The following PRKCH variants were observed in gnomAD, a reference collection of about 807,000 sequenced individuals.
The protein encoded by PRKCH is protein kinase C eta type.
In PRKCH, 28 loss-of-function variants were observed where a neutral mutation model predicts 82.5. That is an observed-to-expected ratio of 0.34 (90% CI 0.25 to 0.47). The LOEUF is 0.47. PRKCH is among the 20% of genes least tolerant of loss of function. PRKCH has a pLI of 1.00. For synonymous variants in PRKCH, 322 were observed against 327.4 expected (o/e 0.98, Z 0.18); for missense variants, 705 against 881.8 (o/e 0.80, Z 2.54).
chr14:61,245,311 T>C (rs1271300340), intron 1 of PRKCH, among the ~76,000 whole-genome samples: 1 of 151,950 alleles, frequency 6.6e-6, no homozygotes, highest in Admixed American at 6.6e-5. Context: ...CGGAAAGAGG[T>C]CTTCTGTGAC....
intron 10 of PRKCH, among the ~76,000 whole-genome samples, chr14:61,517,966 A>G (rs2252267): frequency 0.54 from 82,702 of 152,036 alleles, 27,480 homozygotes; most frequent in Non-Finnish European, 0.73. Flanking sequence ...CTATCAGAAA[A>G]CCTTCATTTC....
At chr14:61,206,255 A>T (rs531434692) in intron 1 of PRKCH, among the ~76,000 whole-genome samples, 46 of 152,342 alleles carry the variant, frequency 3.0e-4, no homozygotes, top group African/African-American at 1.1e-3. Flanking sequence ...TCTGAAATCA[A>T]GGTGTCATCC....
intron 10 of PRKCH, among the ~76,000 whole-genome samples, chr14:61,525,428 A>G: frequency 6.6e-6 from 1 of 152,136 alleles, no homozygotes; most frequent in East Asian, 1.9e-4. Flanking sequence ...AAGGTGTCTA[A>G]CCTGCCTTTG....
intron 1 of PRKCH, among the ~76,000 whole-genome samples, chr14:61,204,148 A>G (rs1347133587): frequency 6.6e-6 from 1 of 152,114 alleles, no homozygotes; most frequent in Admixed American, 6.5e-5. Flanking sequence ...AATTGTCTAA[A>G]TACTGCAGGC....
intron 1 of PRKCH, among the ~76,000 whole-genome samples, chr14:61,201,508 A>T (rs8006364): frequency 0.26 from 38,918 of 152,118 alleles, 5,394 homozygotes; most frequent in Admixed American, 0.39. Flanking sequence ...TAAATAAAGC[A>T]TGTGACTTGA....
At chr14:61,306,790 C>T (rs2045488437) in intron 1 of PRKCH, 1 of 152,170 alleles carries the variant, frequency 6.6e-6, no homozygotes. Flanking sequence ...CACTACTCTT[C>T]ATGATTATAG....
chr14:61,262,219 T>TCAAAAAAAAAAAAAA (rs2045053191), intron 1 of PRKCH, among the ~76,000 whole-genome samples: 1 of 106,614 alleles, frequency 9.4e-6, no homozygotes, highest in Non-Finnish European at 1.8e-5. Context: ...AGACTCTGTA[T>TCAAAAAAAAAAAAAA]AAAAAAAAAA....
chr14:61,296,832 G>A (rs2045410389), intron 1 of PRKCH, among the ~76,000 whole-genome samples: 1 of 152,226 alleles, frequency 6.6e-6, no homozygotes, highest in Non-Finnish European at 1.5e-5. Flanking sequence ...ATTGAAGAGT[G>A]AAAGTAGAAA....
At chr14:61,534,399 A>G (rs906933168) in intron 12 of PRKCH, among the ~76,000 whole-genome samples, 7 of 152,210 alleles carry the variant, frequency 4.6e-5, no homozygotes, top group Non-Finnish European at 7.3e-5. Flanking sequence ...GGGCCAGATC[A>G]AGGTATACTG....
intron 1 of PRKCH, among the ~76,000 whole-genome samples, chr14:61,340,331 T>A (rs2045915918): frequency 8.0e-6 from 1 of 125,250 alleles, no homozygotes; most frequent in Admixed American, 1.0e-4. Flanking sequence ...GTATCTTTCC[T>A]CATCCCTCAA....
At chr14:61,534,736 G>A (rs2250116) in intron 12 of PRKCH, among the ~76,000 whole-genome samples, 79,506 of 150,996 alleles carry the variant, frequency 0.53, 25,399 homozygotes, top group Non-Finnish European at 0.7. Flanking sequence ...GAGATGAAGG[G>A]ACTTTACATG....
chr14:61,319,835 C>T (rs187319134), upstream of PRKCH, among the ~76,000 whole-genome samples: 21 of 152,370 alleles, frequency 1.4e-4, no homozygotes, highest in African/African-American at 4.1e-4. Flanking sequence ...TGATGCGTTG[C>T]ATCCCTGCCT....
intron 2 of PRKCH, among the ~76,000 whole-genome samples, chr14:61,417,654 A>T (rs1023641166): frequency 1.3e-5 from 2 of 152,148 alleles, no homozygotes; most frequent in African/African-American, 2.4e-5. Flanking sequence ...TGCTTGGTGC[A>T]TTGTAGATTT....
At chr14:61,496,612 A>AAGCTAC (rs1886678659) in intron 10 of PRKCH, among the ~76,000 whole-genome samples, 1 of 152,016 alleles carries the variant, frequency 6.6e-6, no homozygotes, top group Non-Finnish European at 1.5e-5. Flanking sequence ...CATCCCGTGA[A>AAGCTAC]ACCCTTCCCT....
intron 1 of PRKCH, among the ~76,000 whole-genome samples, chr14:61,209,933 G>A (rs537211741): frequency 6.6e-6 from 1 of 151,432 alleles, no homozygotes; most frequent in East Asian, 1.9e-4. Context: ...TTAGTTCACT[G>A]CAAATGTTTA....
chr14:61,543,296 A>G (rs1049482832), intron 12 of PRKCH: 1 of 152,158 alleles, frequency 6.6e-6, no homozygotes, highest in African/African-American at 2.4e-5. Context: ...AAAAACTGTT[A>G]AGTGTCTCAT....
At chr14:61,261,902 T>C (rs1276119160) in intron 1 of PRKCH, among the ~76,000 whole-genome samples, 1 of 152,028 alleles carries the variant, frequency 6.6e-6, no homozygotes, top group East Asian at 1.9e-4. Flanking sequence ...TCAAAAGATA[T>C]ATCCACAGAA....
rs561409004 is a variant in PRKCH, at chr14:61,549,892, T to G, written c.*61T>G. The G allele has an allele frequency of 1.7e-5, 26 of 1,561,238 alleles. 1 individual carries two copies. The Admixed American group carries it at 4.8e-4, about 29-fold the overall frequency. Reference sequence around the variant, plus strand: ...AAAGGGAATAGAGATTCTCCAGGAATTTCCTCTATGGGACCTTCCCAGCAT... The same window carrying G: ...AAAGGGAATAGAGATTCTCCAGGAAGTTCCTCTATGGGACCTTCCCAGCAT... On this transcript the variant is annotated 3_prime_UTR_variant, in exon 14 of 14. Coordinates refer to ENST00000332981, the MANE Select transcript of PRKCH (RefSeq NM_006255.5).
At chr14:61,477,686 AG>A (rs1274676836) in intron 9 of PRKCH, among the ~76,000 whole-genome samples, 1 of 152,256 alleles carries the variant, frequency 6.6e-6, no homozygotes, top group Admixed American at 6.5e-5. Flanking sequence ...AACCTTTGTT[AG>A]TATGTTTTGG....
Sources: allele counts gnomAD v4.1 joint callset (sites outside exome capture counted in the v4.1 genomes callset), GRCh38; gene constraint gnomAD v4.1.1; transcripts MANE v1.5; gene names NCBI Gene and HGNC (gene_info 2026-07-23, HGNC 2026-07-21).